The following CDKAL1 variants were observed in gnomAD, a reference collection of about 807,000 sequenced individuals.
The protein encoded by CDKAL1 is CDKAL1 threonylcarbamoyladenosine tRNA methylthiotransferase, also known as threonylcarbamoyladenosine tRNA methylthiotransferase.
CDKAL1 carries 32 observed loss-of-function variants against 68.2 expected under a neutral mutation model. The observed-to-expected ratio is 0.47, with a 90% CI of 0.35 to 0.63. CDKAL1 has a LOEUF of 0.63. Ranked by LOEUF, CDKAL1 falls within the 30% of genes least tolerant of loss-of-function variation. The pLI is 0.00. For missense variants in CDKAL1, 606 were observed against 696.7 expected, an observed-to-expected ratio of 0.87 and a Z score of 1.47; for synonymous variants, 234 against 244.3, an observed-to-expected ratio of 0.96 and a Z score of 0.39.
chr6:20,689,964 A>AC (rs1205617528), intron 5 of CDKAL1, among the ~76,000 whole-genome samples: 1 of 152,180 alleles, frequency 6.6e-6, no homozygotes, highest in Non-Finnish European at 1.5e-5. Flanking sequence ...TGGATTTTTA[A>AC]AATCATTTTG....
intron 13 of CDKAL1, chr6:21,135,590 C>A (rs764340925): frequency 4.5e-5 from 27 of 598,460 alleles, no homozygotes; most frequent in Non-Finnish European, 5.7e-5. Flanking sequence ...CGGTAAAGGA[C>A]CATATGCTAG....
At chr6:21,022,842 G>C (rs1460500804) in intron 11 of CDKAL1, among the ~76,000 whole-genome samples, 1 of 152,152 alleles carries the variant, frequency 6.6e-6, no homozygotes, top group Admixed American at 6.6e-5. Context: ...TGTTTAACAG[G>C]AAGTGCGTTA....
intron 4 of CDKAL1, among the ~76,000 whole-genome samples, chr6:20,600,858 C>G (rs1304755854): frequency 6.7e-6 from 1 of 148,834 alleles, no homozygotes; most frequent in African/African-American, 2.5e-5. Flanking sequence ...AGCTAGCAAG[C>G]ACCCTTAGTG....
intron 9 of CDKAL1, among the ~76,000 whole-genome samples, chr6:20,920,030 G>A (rs1762880039): frequency 6.6e-6 from 1 of 152,146 alleles, no homozygotes; most frequent in Non-Finnish European, 1.5e-5. Flanking sequence ...TTCTCATTAA[G>A]CCTATTTTGT....
intron 10 of CDKAL1, among the ~76,000 whole-genome samples, chr6:20,959,038 A>C (rs1764922410): frequency 6.6e-6 from 1 of 152,228 alleles, no homozygotes. Context: ...TAGAGGATGC[A>C]CATTACACTT....
rs200035075 is a variant in CDKAL1 at position 20,961,222 on chromosome 6, AG to A, written c.909+5638del. On this transcript the variant is annotated intron_variant, in intron 10 of 15. Coordinates refer to ENST00000274695, the MANE Select transcript of CDKAL1 (RefSeq NM_017774.3). ...CATCCACAGTAGACTGGATAAAGACAGTGTGGTATGTGTACACCATGGAATA... is the reference window on the plus strand; with the variant it reads ...CATCCACAGTAGACTGGATAAAGACATGTGGTATGTGTACACCATGGAATA... Among the ~76,000 whole-genome samples, 869 of 152,332 alleles carry A rather than the reference AG, an allele frequency of 5.7e-3. 8 individuals carry two copies. Among genetic ancestry groups the A allele is most frequent in the African/African-American group, 0.019 (794 of 41,562 alleles).
chr6:20,848,838 G>C (rs918273716), intron 9 of CDKAL1, among the ~76,000 whole-genome samples: 1 of 151,016 alleles, frequency 6.6e-6, no homozygotes, highest in African/African-American at 2.4e-5. Context: ...TATCACCCAG[G>C]CTGCAGTGTC....
intron 4 of CDKAL1, among the ~76,000 whole-genome samples, chr6:20,605,714 T>G (rs9465828): frequency 0.024 from 3,697 of 152,276 alleles, 136 homozygotes; most frequent in African/African-American, 0.078. Context: ...GGCAAGATCC[T>G]TCTGTGTGCT....
At chr6:20,538,230 C>CT (rs551140905) in intron 2 of CDKAL1, among the ~76,000 whole-genome samples, 246 of 143,746 alleles carry the variant, frequency 1.7e-3, no homozygotes, top group East Asian at 2.8e-3. Context: ...ATTCTTTCCT[C>CT]TTTTTTTTTT....
intron 13 of CDKAL1, among the ~76,000 whole-genome samples, chr6:21,135,391 T>C (rs1267418627): frequency 6.6e-6 from 1 of 152,208 alleles, no homozygotes; most frequent in East Asian, 1.9e-4. Flanking sequence ...GTCATTTTTA[T>C]TGATTAAACT....
At chr6:20,990,226 G>A (rs1021236978) in intron 10 of CDKAL1, among the ~76,000 whole-genome samples, 2 of 152,144 alleles carry the variant, frequency 1.3e-5, no homozygotes, top group Non-Finnish European at 2.9e-5. Flanking sequence ...CTGGGCAAGA[G>A]AGCAAGACTC....
At chr6:20,940,028 T>G (rs533567900) in intron 9 of CDKAL1, among the ~76,000 whole-genome samples, 1 of 152,218 alleles carries the variant, frequency 6.6e-6, no homozygotes, top group Non-Finnish European at 1.5e-5. Context: ...CTTTGAAGTA[T>G]AGTTTTAAAT....
chr6:20,793,255 T>C (rs1437357182), intron 8 of CDKAL1, among the ~76,000 whole-genome samples: 1 of 152,180 alleles, frequency 6.6e-6, no homozygotes, highest in Non-Finnish European at 1.5e-5. Context: ...CATTCTTATT[T>C]CTACTATTGG....
rs143420147 is a variant in CDKAL1 at position 21,141,889 on chromosome 6, C to T, written c.1299+33426C>T. Among the ~76,000 whole-genome samples, 25 of 152,254 alleles carry T rather than the reference C, an allele frequency of 1.6e-4. No individual in the cohort carries two copies. In the East Asian group the frequency reaches 4.1e-3, roughly 25 times the overall value. On this transcript the variant is annotated intron_variant, in intron 13 of 15. Transcript: ENST00000274695. ...AGGTAACTACAGAAGTTGGAGTAAG[C>T]ATTTAGGAATTTGACAGAATAATTT...
intron 11 of CDKAL1, among the ~76,000 whole-genome samples, chr6:21,060,863 C>T (rs1771107934): frequency 2.0e-5 from 3 of 151,928 alleles, no homozygotes; most frequent in Admixed American, 2.0e-4. Context: ...AGGTCTAGTC[C>T]TTTGCTGATC....
rs893862269 is a variant in CDKAL1, at chr6:21,043,876, A to G, written c.1056-21172A>G. On this transcript the variant is annotated intron_variant, in intron 11 of 15. Coordinates refer to ENST00000274695, the MANE Select transcript of CDKAL1 (RefSeq NM_017774.3). ...CTTGGACCTTTAGCTGTGATGAGATATAGTCATTAGTTGTGTTTTGCCACC... is the reference window on the plus strand; with the variant it reads ...CTTGGACCTTTAGCTGTGATGAGATGTAGTCATTAGTTGTGTTTTGCCACC... Among the ~76,000 whole-genome samples, 4 of 152,180 alleles carry G rather than the reference A, an allele frequency of 2.6e-5. No homozygotes were observed. In the South Asian group the frequency reaches 8.3e-4, roughly 32 times the overall value.
intron 9 of CDKAL1, among the ~76,000 whole-genome samples, chr6:20,870,514 T>C (rs1191439892): frequency 6.6e-6 from 1 of 152,212 alleles, no homozygotes; most frequent in African/African-American, 2.4e-5. Flanking sequence ...ATATACACTG[T>C]GATGATAGAA....
Position 20,636,112 on chromosome 6 carries a change from T to C in CDKAL1, c.287-13181T>C, listed in dbSNP as rs73388647. Among the ~76,000 whole-genome samples, 323 of 152,220 alleles carry C rather than the reference T, an allele frequency of 2.1e-3. 2 individuals carry two copies. Among genetic ancestry groups the C allele is most frequent in the African/African-American group, 7.4e-3 (309 of 41,534 alleles). On this transcript the variant is annotated intron_variant, in intron 4 of 15. Transcript: ENST00000274695. ...TCTTACAACCTGCTTCAGGGGAAGG[T>C]CAGAAATTTTCTTCTAGGTTTTATG... is the stretch of plus-strand genomic sequence containing the variant.
intron 4 of CDKAL1, chr6:20,599,466 A>G (rs1002388836): frequency 3.9e-5 from 15 of 383,414 alleles, no homozygotes; most frequent in Admixed American, 2.8e-4. Context: ...GACCCATGCT[A>G]TGCAAACTTA....
Sources: allele counts gnomAD v4.1 joint callset (sites outside exome capture counted in the v4.1 genomes callset), GRCh38; gene constraint gnomAD v4.1.1; transcripts MANE v1.5; gene names NCBI Gene and HGNC (gene_info 2026-07-23, HGNC 2026-07-21).